The following MECOM variants were observed in gnomAD, a reference collection of about 807,000 sequenced individuals.
The protein encoded by MECOM is histone-lysine N-methyltransferase MECOM.
MECOM carries 13 observed loss-of-function variants against 116.3 expected under a neutral mutation model. The observed-to-expected ratio is 0.11, with a 90% CI of 0.07 to 0.18. MECOM has a LOEUF of 0.18. Among genes scored for constraint, MECOM ranks in the 10% least tolerant of loss-of-function variants. The pLI is 1.00. For missense variants in MECOM, 1,299 were observed against 1,509.0 expected (o/e 0.86, Z 2.31); for synonymous variants, 528 against 535.2 (o/e 0.99, Z 0.19).
intron 2 of MECOM, among the ~76,000 whole-genome samples, chr3:169,214,833 T>A (rs1276146812): frequency 3.4e-5 from 5 of 148,264 alleles, no homozygotes; most frequent in African/African-American, 7.3e-5. Flanking sequence ...AGTATCTATT[T>A]TATATATATA....
chr3:169,399,476 A>G (rs1184563912), intron 1 of MECOM, among the ~76,000 whole-genome samples: 1 of 152,220 alleles, frequency 6.6e-6, no homozygotes, highest in East Asian at 1.9e-4. Context: ...TTAAAGTTGG[A>G]AAACAATGAT....
chr3:169,507,390 T>C (rs1755370339), intron 1 of MECOM, among the ~76,000 whole-genome samples: 1 of 152,228 alleles, frequency 6.6e-6, no homozygotes, highest in African/African-American at 2.4e-5. Context: ...TGATGGAGGC[T>C]GGTACCTCCT....
At chr3:169,635,547 C>T (rs940779109) in intron 1 of MECOM, among the ~76,000 whole-genome samples, 12 of 152,244 alleles carry the variant, frequency 7.9e-5, no homozygotes, top group African/African-American at 2.2e-4. Flanking sequence ...TGACTCAGCT[C>T]ACATAGTTTT....
intron 2 of MECOM, among the ~76,000 whole-genome samples, chr3:169,158,907 A>G (rs1742407575): frequency 6.6e-6 from 1 of 152,206 alleles, no homozygotes; most frequent in Non-Finnish European, 1.5e-5. Flanking sequence ...TGTGTGGTCC[A>G]GGTGATAACC....
At chr3:169,319,830 G>T (rs1720539437) in intron 2 of MECOM, among the ~76,000 whole-genome samples, 1 of 152,190 alleles carries the variant, frequency 6.6e-6, no homozygotes, top group African/African-American at 2.4e-5. Context: ...ACATGACTGT[G>T]GACACATGGG....
chr3:169,648,783 G>A (rs1223764673), intron 1 of MECOM, among the ~76,000 whole-genome samples: 1 of 152,194 alleles, frequency 6.6e-6, no homozygotes, highest in African/African-American at 2.4e-5. Context: ...TGTCAATTTG[G>A]GGGTAGCACT....
intron 1 of MECOM, among the ~76,000 whole-genome samples, chr3:169,452,987 TC>T (rs1745855983): frequency 2.0e-5 from 3 of 152,336 alleles, no homozygotes; most frequent in African/African-American, 7.2e-5. Context: ...AAGGGAAATT[TC>T]TCAAATGCAA....
chr3:169,093,532 T>A (rs1720480458), intron 13 of MECOM, among the ~76,000 whole-genome samples: 1 of 152,220 alleles, frequency 6.6e-6, no homozygotes, highest in Non-Finnish European at 1.5e-5. Context: ...GCTACTATGC[T>A]AAAGCATATA....
intron 1 of MECOM, among the ~76,000 whole-genome samples, chr3:169,641,275 G>C (rs1164780238): frequency 6.6e-6 from 1 of 152,218 alleles, no homozygotes; most frequent in Non-Finnish European, 1.5e-5. Context: ...GAAAGCACTT[G>C]GAGTTACCTC....
intron 1 of MECOM, among the ~76,000 whole-genome samples, chr3:169,539,542 T>A (rs1386841356): frequency 6.6e-6 from 1 of 152,130 alleles, no homozygotes; most frequent in East Asian, 1.9e-4. Context: ...CACCACCCAC[T>A]CATCTCCACA....
In MECOM at chr3:169,124,156, C is replaced by A. The variant is rs898428789; in HGVS notation, c.831-1429G>T. Among the ~76,000 whole-genome samples the A allele has an allele frequency of 2.0e-5, 3 of 152,006 alleles. No homozygotes were observed. In the East Asian group the frequency reaches 5.8e-4, roughly 29 times the overall value. ...TGTGACTTCGGGTAGAAATAAATGGCACCATCAATGAAATCTTCTTGGTGA... is the reference window on the plus strand; with the variant it reads ...TGTGACTTCGGGTAGAAATAAATGGAACCATCAATGAAATCTTCTTGGTGA... On this transcript the variant is annotated intron_variant, in intron 5 of 16. Transcript: ENST00000651503.
At chr3:169,214,236 G>C (rs1386249369) in intron 2 of MECOM, among the ~76,000 whole-genome samples, 1 of 152,014 alleles carries the variant, frequency 6.6e-6, no homozygotes, top group Non-Finnish European at 1.5e-5. Flanking sequence ...GCCTCACTCA[G>C]CTTGTAGAAT....
chr3:169,227,899 G>T (rs1446821958), intron 2 of MECOM, among the ~76,000 whole-genome samples: 1 of 152,148 alleles, frequency 6.6e-6, no homozygotes, highest in Non-Finnish European at 1.5e-5. Context: ...AACAAAGGGT[G>T]GGTATGGAGC....
At chr3:169,314,149 G>T (rs1719315036) in intron 2 of MECOM, among the ~76,000 whole-genome samples, 1 of 152,180 alleles carries the variant, frequency 6.6e-6, no homozygotes, top group African/African-American at 2.4e-5. Flanking sequence ...TCTTCACAAG[G>T]TCAGCTCCAT....
intron 2 of MECOM, among the ~76,000 whole-genome samples, chr3:169,274,257 G>A (rs980292254): frequency 1.3e-5 from 2 of 152,010 alleles, no homozygotes; most frequent in African/African-American, 4.8e-5. Flanking sequence ...CAATTTAAAA[G>A]TCTGCCTGAT....
At chr3:169,504,801 T>G (rs1754995903) in intron 1 of MECOM, among the ~76,000 whole-genome samples, 1 of 152,202 alleles carries the variant, frequency 6.6e-6, no homozygotes, top group Non-Finnish European at 1.5e-5. Context: ...AAATTTATAT[T>G]GTTTAAAGAA....
chr3:169,355,831 T>C (rs1164157938), intron 2 of MECOM, among the ~76,000 whole-genome samples: 5 of 151,728 alleles, frequency 3.3e-5, no homozygotes, highest in Non-Finnish European at 7.4e-5. Context: ...TAGAATATCA[T>C]CTTTTTTTTT....
intron 2 of MECOM, among the ~76,000 whole-genome samples, chr3:169,309,090 T>C (rs180894825): frequency 6.6e-6 from 1 of 152,226 alleles, no homozygotes; most frequent in Non-Finnish European, 1.5e-5. Flanking sequence ...AATAATATAT[T>C]TTGCTGACGT....
intron 2 of MECOM, among the ~76,000 whole-genome samples, chr3:169,201,114 G>T (rs1749091035): frequency 6.6e-6 from 1 of 152,056 alleles, no homozygotes; most frequent in Admixed American, 6.6e-5. Context: ...TGTGTCCTAT[G>T]AGAATTTTAT....
Sources: allele counts gnomAD v4.1 joint callset (sites outside exome capture counted in the v4.1 genomes callset), GRCh38; gene constraint gnomAD v4.1.1; transcripts MANE v1.5; gene names NCBI Gene and HGNC (gene_info 2026-07-23, HGNC 2026-07-21).